Variants in RPH3AL observed in about 807,000 individuals in gnomAD.
The protein encoded by RPH3AL is rabphilin 3A like (without C2 domains).
A neutral mutation model predicts 43.1 loss-of-function variants in RPH3AL; 38 were observed. That is an observed-to-expected ratio of 0.88 (90% CI 0.68 to 1.15). The LOEUF (loss-of-function observed/expected upper bound fraction) is 1.15. RPH3AL is among the 50% of genes most tolerant of loss of function. RPH3AL has a pLI of 0.00. For synonymous variants in RPH3AL, 189 were observed against 176.3 expected (o/e 1.07, Z -0.57); for missense variants, 462 against 423.2 (o/e 1.09, Z -0.81).
chr17:331,899 T>C, intron 2 of RPH3AL: 6 of 1,283,816 alleles, frequency 4.7e-6, no homozygotes, highest in Non-Finnish European at 6.1e-6. Context: ...AAAATTAAAC[T>C]GATGAGGGAA....
chr17:289,935 CG>C lies in RPH3AL; in HGVS notation c.352-8082del, dbSNP rs2043009149. Among the ~76,000 whole-genome samples, 1 of 152,208 alleles carries C rather than the reference CG, an allele frequency of 6.6e-6. No homozygotes were observed. The highest frequency in any genetic ancestry group is 2.4e-5 in the African/African-American group (1 of 41,442). On this transcript the variant is annotated intron_variant, in intron 5 of 9. Coordinates refer to ENST00000331302, the MANE Select transcript of RPH3AL (RefSeq NM_006987.4). This position sits in a 1 kb window ranked among gnomAD's most constrained non-coding sequence, Gnocchi z 5.2. Reference sequence around the variant, plus strand: ...CTGTCAAGGTTGTGATTTTACCCTCCGCTGTGTGGCTGCAGGGCTCCTGTGA... The same window carrying C: ...CTGTCAAGGTTGTGATTTTACCCTCCCTGTGTGGCTGCAGGGCTCCTGTGA...
At chr17:242,168 A>G (rs1019113117) in intron 7 of RPH3AL, among the ~76,000 whole-genome samples, 1 of 152,170 alleles carries the variant, frequency 6.6e-6, no homozygotes, top group African/African-American at 2.4e-5. Flanking sequence ...AAGAAAAAGG[A>G]ACCCACCTCA....
intron 6 of RPH3AL, among the ~76,000 whole-genome samples, chr17:267,994 C>T (rs1044021138): frequency 2.6e-5 from 4 of 152,110 alleles, no homozygotes; most frequent in Admixed American, 6.6e-5. Flanking sequence ...GAGAAGCTCC[C>T]GTAAACCCAC....
chr17:314,781 CCATTGACCTGTAGTCCCTGTACT>C (rs2043855491), intron 5 of RPH3AL, among the ~76,000 whole-genome samples: 1 of 148,488 alleles, frequency 6.7e-6, no homozygotes, highest in African/African-American at 2.6e-5. Context: ...GACCCCACCT[CCATTGACCTGTAGTCCCTGTACT>C]CCACGTCCAT....
chr17:242,676 C>T (rs200516036), intron 7 of RPH3AL, among the ~76,000 whole-genome samples: 1,096 of 46,822 alleles, frequency 0.023, 9 homozygotes, highest in South Asian at 0.038. Context: ...CCTCTATTGA[C>T]TACCTTCCTC....
At chr17:321,243 C>G in intron 4 of RPH3AL, 29 bp downstream of exon 4, 1 of 1,594,854 alleles carries the variant, frequency 6.3e-7, no homozygotes, top group Non-Finnish European at 8.5e-7. Flanking sequence ...TGCTGTCCTC[C>G]CACTGAGCTG....
chr17:329,572 A>G (rs1361183780), intron 2 of RPH3AL, among the ~76,000 whole-genome samples: 1 of 152,260 alleles, frequency 6.6e-6, no homozygotes, highest in Non-Finnish European at 1.5e-5. Context: ...AACTGAGAAA[A>G]TCTTTAAAAT....
intron 7 of RPH3AL, among the ~76,000 whole-genome samples, chr17:241,276 G>C (rs966783672): frequency 6.6e-6 from 1 of 151,880 alleles, no homozygotes; most frequent in African/African-American, 2.4e-5. Flanking sequence ...TGCACCTGTA[G>C]TCCCAGCTAC....
intron 5 of RPH3AL, among the ~76,000 whole-genome samples, chr17:317,024 C>CT (rs2044265749): frequency 1.5e-5 from 2 of 135,852 alleles, no homozygotes; most frequent in African/African-American, 5.6e-5. Flanking sequence ...AGTCTCTGTG[C>CT]TCCACCTCCA....
chr17:247,362 G>T, intron 6 of RPH3AL, 77 bp from the exon 7 acceptor site: 1 of 1,410,576 alleles, frequency 7.1e-7, no homozygotes, highest in African/African-American at 1.4e-5. Flanking sequence ...CAGATGACGG[G>T]AGGCAGGACG....
At chr17:319,808 C>T (rs1448502359) in intron 4 of RPH3AL, among the ~76,000 whole-genome samples, 1 of 142,522 alleles carries the variant, frequency 7.0e-6, no homozygotes, top group Non-Finnish European at 1.5e-5. Flanking sequence ...ATGGAACTTA[C>T]CTTCAATAAG....
At chr17:303,588 G>C (rs1169839110) in intron 5 of RPH3AL, among the ~76,000 whole-genome samples, 5 of 12,858 alleles carry the variant, frequency 3.9e-4, no homozygotes, top group Non-Finnish European at 7.3e-4. Context: ...TTATTGAGCA[G>C]TGACCGTGTT....
chr17:291,610 C>T (rs987942772), intron 5 of RPH3AL, among the ~76,000 whole-genome samples: 2 of 152,156 alleles, frequency 1.3e-5, no homozygotes, highest in African/African-American at 2.4e-5. Context: ...AGAGCCTCCA[C>T]GTGTGTGTTT....
intron 7 of RPH3AL, among the ~76,000 whole-genome samples, chr17:234,946 C>T (rs2041327558): frequency 1.3e-5 from 2 of 152,342 alleles, no homozygotes; most frequent in South Asian, 2.1e-4. Context: ...TCCACAACTG[C>T]ACCTCATTAA....
intron 5 of RPH3AL, among the ~76,000 whole-genome samples, chr17:286,995 T>TCTCTCTCCACCGTCAGACCTCGCACC (rs2151615577): frequency 4.7e-5 from 3 of 63,696 alleles, no homozygotes; most frequent in African/African-American, 1.5e-4. Flanking sequence ...CCTCACACCC[T>TCTCTCTCCACCGTCAGACCTCGCACC]CTCTCCACCG....
At chr17:242,589 C>T (rs201543848) in intron 7 of RPH3AL, among the ~76,000 whole-genome samples, 10,025 of 45,404 alleles carry the variant, frequency 0.22, 295 homozygotes, top group Middle Eastern at 0.3. Flanking sequence ...CCTCTATTGA[C>T]TACCTTCCTC....
At chr17:318,152 G>A (rs1165337441) in intron 5 of RPH3AL, among the ~76,000 whole-genome samples, 2 of 152,094 alleles carry the variant, frequency 1.3e-5, no homozygotes, top group Admixed American at 6.5e-5. Flanking sequence ...GGAGGCCGAG[G>A]CAGGCGGATC....
intron 5 of RPH3AL, among the ~76,000 whole-genome samples, chr17:304,663 A>C (rs1279887889): frequency 1.5e-4 from 23 of 152,118 alleles, no homozygotes; most frequent in Non-Finnish European, 4.4e-5. Flanking sequence ...CGGAGGCCAC[A>C]GGAGAACCAA....
chr17:291,369 C>G (rs2043044666), intron 5 of RPH3AL, among the ~76,000 whole-genome samples: 1 of 152,000 alleles, frequency 6.6e-6, no homozygotes, highest in Non-Finnish European at 1.5e-5. Context: ...ATGAGACTCC[C>G]CCACCCCCCA....
Sources: gnomAD v4.1 joint callset for allele counts (sites outside exome capture counted in the v4.1 genomes callset) on GRCh38, gnomAD v4.1.1 for gene constraint, Gnocchi (gnomAD v3.1) non-coding constraint, MANE v1.5 for transcripts, NCBI Gene and HGNC (gene_info 2026-07-23, HGNC 2026-07-21) for gene names.